Variants in TBC1D8B observed in about 807,000 individuals in gnomAD.
TBC1D8B encodes the protein RP11-321G1.1.
A neutral mutation model predicts 82.9 loss-of-function variants in TBC1D8B; 75 were observed. The ratio of observed to expected loss-of-function variants is 0.90; its 90% CI spans 0.75 to 1.10. The LOEUF (loss-of-function observed/expected upper bound fraction) is 1.10, where lower values mean the gene tolerates loss of function less well. TBC1D8B is among the 50% of genes least tolerant of loss of function. TBC1D8B has a pLI of 0.00. For synonymous variants in TBC1D8B, 276 were observed against 276.8 expected, an observed-to-expected ratio of 1.00 and a Z score of 0.03; for missense variants, 794 against 796.9, an observed-to-expected ratio of 1.00 and a Z score of 0.04.
At chrX:106,843,200 A>G (rs1364645038) in intron 10 of TBC1D8B, among the ~76,000 whole-genome samples, 4 of 111,566 alleles carry the variant, frequency 3.6e-5, no homozygotes, top group Non-Finnish European at 7.5e-5. Flanking sequence ...CTTGTGGGTA[A>G]ATATCTTGAA....
At chrX:106,823,127 T>C in intron 4 of TBC1D8B, 99 bp from the exon 5 acceptor site, 1 of 931,905 alleles carries the variant, frequency 1.1e-6, no homozygotes, top group Non-Finnish European at 1.5e-6. Context: ...CTGTTTATAG[T>C]ATTTTTCAAG....
chrX:106,828,956 G>C (rs1216598201), intron 7 of TBC1D8B: 39 of 107,244 alleles, frequency 3.6e-4, no homozygotes, highest in African/African-American at 1.2e-3. Flanking sequence ...AATTAGGCAG[G>C]AGAAGGAAAT....
At chrX:106,856,428 A>G (rs1188279536) in intron 14 of TBC1D8B, among the ~76,000 whole-genome samples, 2 of 110,874 alleles carry the variant, frequency 1.8e-5, no homozygotes, top group African/African-American at 6.5e-5. Context: ...AATTATATAA[A>G]TTATAAAAAT....
Position 106,868,449 on chromosome X carries a change from G to A in TBC1D8B, c.2785G>A (p.Glu929Lys). The part of the protein sequence containing the change: ...ASKGDELSKE[E>K]LLYFSQLHVS... ...AAAAGGAGATGAACTTTCCAAGGAA[G>A]AATTACTTTATTTCAGTCAGCTGCA... Residue 929 changes from glutamate to lysine, a missense_variant, in exon 18 of 21, where the codon GAA (glutamate) becomes AAA (lysine). By Grantham distance (56) the Glu-to-Lys change is moderately conservative (BLOSUM62 1). Transcript: ENST00000357242. The A allele has an allele frequency of 1.0e-6, 1 of 1,001,683 alleles. No individual in the cohort carries two copies. Among genetic ancestry groups the A allele is most frequent in the Non-Finnish European group, 1.3e-6 (1 of 780,442 alleles). 82.5% of individuals were successfully genotyped at this position (1,001,683 alleles called of 1,213,427 possible).
At chrX:106,869,756 G>A (rs1053385487) in intron 19 of TBC1D8B, among the ~76,000 whole-genome samples, 11 of 111,671 alleles carry the variant, frequency 9.9e-5, no homozygotes, top group African/African-American at 3.2e-4. Context: ...TCTTAGAAAA[G>A]AAATTCAGAC....
In TBC1D8B at chrX:106,866,829, C is replaced by A. The variant is rs145015608; in HGVS notation, c.2695C>A (p.Leu899Ile). 2 of 1,189,225 alleles carry A rather than the reference C, an allele frequency of 1.7e-6. No homozygotes were observed. The highest frequency in any genetic ancestry group is 2.3e-6 in the Non-Finnish European group (2 of 882,819). The change falls in exon 17 of 21, where the codon CTT becomes ATT. Residue 899 changes from leucine (L) to isoleucine (I), a missense_variant. By Grantham distance (5) the Leu-to-Ile change is conservative. Coordinates refer to ENST00000357242, the MANE Select transcript of TBC1D8B (RefSeq NM_017752.3). ...GTACAATGGAAGTTTTACTGAGAAG[C>A]TTAAGCTGCTTTTTAAGCTACATAT... ...IMYNGSFTEK[L>I]KLLFKLHIPP...
At position 106,840,997 on chromosome X, in the gene TBC1D8B, G is replaced by A. The variant is rs995265334; in HGVS notation, c.1719+113G>A. On this transcript the variant is annotated intron_variant, in intron 10 of 20. Coordinates refer to ENST00000357242, the MANE Select transcript of TBC1D8B (RefSeq NM_017752.3). ...TAAGGAAAGAGATGGGGGTGAGATA[G>A]ATAGAGCATAGTATTAATGTAAGTA... 4.3e-5 allele frequency: 25 copies of A among 585,204 alleles called. No homozygotes were observed. The African/African-American group carries it at 4.8e-4, about 11-fold the overall frequency. 48.2% of individuals were successfully genotyped at this position (585,204 alleles called of 1,213,427 possible).
chrX:106,820,096 A>G (rs778553922), intron 2 of TBC1D8B, among the ~76,000 whole-genome samples: 377 of 111,340 alleles, frequency 3.4e-3, no homozygotes, highest in Non-Finnish European at 5.6e-3. Flanking sequence ...ATTATAAAAT[A>G]TACTAAAAAG....
At chrX:106,810,647 TAGTC>T (rs1395857393) in intron 1 of TBC1D8B, among the ~76,000 whole-genome samples, 5 of 111,711 alleles carry the variant, frequency 4.5e-5, no homozygotes, top group Non-Finnish European at 9.4e-5. Context: ...ATTAGGCAAA[TAGTC>T]AGTAATCTAT....
intron 18 of TBC1D8B, 28 bp from the exon 19 acceptor site, chrX:106,869,457 C>T: frequency 5.1e-6 from 6 of 1,182,650 alleles, no homozygotes; most frequent in Non-Finnish European, 6.9e-6. Context: ...AAACATCTTA[C>T]AGAATGCAAT....
At position 106,873,622 on chromosome X, in the gene TBC1D8B, C is replaced by T; in HGVS notation, c.3020C>T (p.Pro1007Leu). ...CTCTATAACTTATTTCATGAGGACC[C>T]TGAAGAAGAATCATTATATCAAGCC... ...KTLYNLFHED[P>L]EEESLYQAIA... Residue 1007 changes from proline to leucine, a missense_variant, in exon 21 of 21, where the codon CCT (proline) becomes CTT (leucine). Transcript: ENST00000357242. The T allele has an allele frequency of 8.3e-7, 1 of 1,209,518 alleles. No homozygotes were observed. Among genetic ancestry groups the T allele is most frequent in the Non-Finnish European group, 1.1e-6 (1 of 894,475 alleles).
At chrX:106,815,937 A>G (rs1281659112) in intron 1 of TBC1D8B, among the ~76,000 whole-genome samples, 22 of 111,504 alleles carry the variant, frequency 2.0e-4, no homozygotes. Flanking sequence ...ATCTATGACA[A>G]ACCCACAGCC....
At chrX:106,866,447 T>C (rs1468651671) in intron 16 of TBC1D8B, among the ~76,000 whole-genome samples, 1 of 111,861 alleles carries the variant, frequency 8.9e-6, no homozygotes, top group South Asian at 3.8e-4. Context: ...ATATTGTTCA[T>C]TTGCTTTTCC....
intron 7 of TBC1D8B, among the ~76,000 whole-genome samples, chrX:106,838,485 A>C: frequency 8.9e-6 from 1 of 111,817 alleles, no homozygotes; most frequent in East Asian, 2.8e-4. Context: ...CTGCTTTCAA[A>C]GATAGCCAGA....
intron 19 of TBC1D8B, 86 bp downstream of exon 19, chrX:106,869,627 C>A: frequency 1.4e-6 from 1 of 720,311 alleles, no homozygotes; most frequent in Non-Finnish European, 2.0e-6. Flanking sequence ...AAGGTGGATT[C>A]CTTTTAAAGG....
intron 1 of TBC1D8B, among the ~76,000 whole-genome samples, chrX:106,817,427 T>G (rs918110124): frequency 1.8e-5 from 2 of 111,623 alleles, no homozygotes; most frequent in African/African-American, 3.2e-5. Flanking sequence ...AAACATTGAT[T>G]GCTGACATGA....
chrX:106,862,718 C>T (rs1299600348), intron 14 of TBC1D8B, among the ~76,000 whole-genome samples: 3 of 97,025 alleles, frequency 3.1e-5, no homozygotes, highest in Non-Finnish European at 6.0e-5. Context: ...TTCTCATCTG[C>T]GTGAGCTGAT....
In TBC1D8B at chrX:106,810,308, T is replaced by C. The variant is rs781516618; in HGVS notation, c.130+7325T>C. 5.4e-5 allele frequency among the ~76,000 whole-genome samples: 6 copies of C among 111,393 alleles called. 1 individual carries two copies. The highest frequency in any genetic ancestry group is 1.9e-4 in the Admixed American group (2 of 10,425). ...GAAGTGGTGGGAGGAGGGGGGACGT[T>C]CTAAGTAGGAGGAATAATGTGATAG... On this transcript the variant is annotated intron_variant, in intron 1 of 20. Coordinates refer to ENST00000357242, the MANE Select transcript of TBC1D8B (RefSeq NM_017752.3).
At chrX:106,824,766 T>C (rs1457651684) in intron 5 of TBC1D8B, among the ~76,000 whole-genome samples, 1 of 111,737 alleles carries the variant, frequency 8.9e-6, no homozygotes, top group East Asian at 2.8e-4. Context: ...AAATCGTACA[T>C]ATCTACATCT....
Sources: allele counts gnomAD v4.1 joint callset (sites outside exome capture counted in the v4.1 genomes callset), GRCh38; gene constraint gnomAD v4.1.1; transcripts MANE v1.5; gene names NCBI Gene and HGNC (gene_info 2026-07-23, HGNC 2026-07-21).